Variants in PTPRH observed in about 807,000 individuals in gnomAD.
PTPRH encodes protein tyrosine phosphatase receptor type H.
A neutral mutation model predicts 130.2 loss-of-function variants in PTPRH; 113 were observed. That is an observed-to-expected ratio of 0.87 (90% CI 0.75 to 1.01). PTPRH has a LOEUF of 1.01. PTPRH is among the 50% of genes least tolerant of loss of function. PTPRH has a pLI of 0.00. For missense variants in PTPRH, 1,430 were observed against 1,425.0 expected (o/e 1.00, Z -0.06); for synonymous variants, 556 against 577.9 (o/e 0.96, Z 0.54).
chr19:55,191,403 A>C, intron 12 of PTPRH, 98 bp downstream of exon 12: 14 of 1,342,746 alleles, frequency 1.0e-5, no homozygotes, highest in African/African-American at 1.4e-5. Context: ...CTTTGTGGGT[A>C]AATGCATTGA....
intron 10 of PTPRH, chr19:55,191,998 A>C: frequency 1.6e-6 from 1 of 629,180 alleles, no homozygotes; most frequent in South Asian, 1.5e-5. Flanking sequence ...CGAAGACTAC[A>C]AGGAGGAAGA....
In PTPRH at chr19:55,185,648, C is replaced by G. The variant is rs1368545347; in HGVS notation, c.2916G>C (p.Lys972Asn). Residue 972 changes from lysine to asparagine, a missense_variant, in exon 18 of 20, where the codon AAG becomes AAC. Lys to Asn is a moderately conservative substitution (Grantham distance 94). Coordinates refer to ENST00000376350, the MANE Select transcript of PTPRH (RefSeq NM_002842.5). ...AGTGGAATTGGCGCACAGACAGTGT[C>G]TTCTGCTCCTCCACCTGGAAGGAGG... ...ELLLLQVEEQ[K>N]TLSVRQFHYQ... 3 of 1,613,958 alleles carry G rather than the reference C, an allele frequency of 1.9e-6. No individual in the cohort carries two copies. The highest frequency in any genetic ancestry group is 1.6e-4 in the Middle Eastern group (1 of 6,082).
intron 9 of PTPRH, 88 bp downstream of exon 9, chr19:55,197,029 T>G: frequency 6.7e-7 from 1 of 1,498,766 alleles, no homozygotes; most frequent in African/African-American, 1.4e-5. Flanking sequence ...TGTGGCCTGA[T>G]GGAATTTGTA....
At chr19:55,187,726 T>C (rs2086403630) in intron 13 of PTPRH, 123 bp from the exon 14 acceptor site, 10 of 710,058 alleles carry the variant, frequency 1.4e-5, no homozygotes, top group Middle Eastern at 2.8e-4. Flanking sequence ...ACCCTGAGAT[T>C]ATATGGCACC....
Position 55,186,515 on chromosome 19 carries a change from C to T in PTPRH, c.2592G>A (p.Lys864=), listed in dbSNP as rs751998411. ...LPYDWSRVPL[K]PIHEEPGSDY... is the part of the protein sequence containing the mutation. Reference sequence around the variant, plus strand: ...CAGAGCCTGGCTCCTCATGGATGGGCTTCAGGGGCACCCGGGACCAGTCAT... The same window carrying T: ...CAGAGCCTGGCTCCTCATGGATGGGTTTCAGGGGCACCCGGGACCAGTCAT... The change falls in exon 15 of 20, where the codon AAG becomes AAA. Residue 864 remains lysine (K), a synonymous_variant. Transcript: ENST00000376350. 2.7e-6 allele frequency: 4 copies of T among 1,458,852 alleles called. No individual in the cohort carries two copies. In the South Asian group the frequency reaches 4.7e-5, roughly 17 times the overall value. 90.4% of individuals were successfully genotyped at this position (1,458,852 alleles called of 1,614,324 possible).
Position 55,181,908 on chromosome 19 carries a change from G to A in PTPRH, c.3199-5C>T, listed in dbSNP as rs182962613. The A allele has an allele frequency of 1.1e-5, 18 of 1,614,216 alleles. No homozygotes were observed. The highest frequency in any genetic ancestry group is 1.5e-5 in the Non-Finnish European group (18 of 1,180,026). On this transcript the variant is annotated splice_region_variant and splice_polypyrimidine_tract_variant and intron_variant, in intron 19 of 19. Coordinates refer to ENST00000376350, the MANE Select transcript of PTPRH (RefSeq NM_002842.5). ...ATGCAGGAATACGTACTGAGCCTGG[G>A]AAGCAGGCACGGGAGTGAGAGGCGT...
chr19:55,204,464 A>C (rs1020711894), intron 4 of PTPRH, among the ~76,000 whole-genome samples: 2 of 152,104 alleles, frequency 1.3e-5, no homozygotes, highest in Non-Finnish European at 2.9e-5. Context: ...GTGCCAGTAG[A>C]TGCAGAGTTT....
chr19:55,194,080 C>G, intron 10 of PTPRH: 1 of 1,080,666 alleles, frequency 9.3e-7, no homozygotes, highest in Non-Finnish European at 1.2e-6. Context: ...GAACTCCCAA[C>G]CACAGGTGAT....
chr19:55,186,856 C>A (rs1007217815), intron 14 of PTPRH, among the ~76,000 whole-genome samples: 11 of 151,778 alleles, frequency 7.2e-5, no homozygotes, highest in African/African-American at 2.7e-4. Flanking sequence ...ACCAGCCTGG[C>A]CAACATGGTG....
intron 18 of PTPRH, 147 bp from the exon 19 acceptor site, chr19:55,182,298 G>A (rs3760871): frequency 0.18 from 178,245 of 982,124 alleles, 17,682 homozygotes; most frequent in South Asian, 0.29. Flanking sequence ...GGCTGAGGCC[G>A]GTGGATCACC....
In PTPRH at chr19:55,196,690, C is replaced by G. The variant is rs775711179; in HGVS notation, c.2089G>C (p.Glu697Gln). ...CCCCGCTGTCCTCCCACCTCCAACT[C>G]AAAGGCCTCGTAGCCTCCCTGGGGG... is the stretch of plus-strand genomic sequence containing the variant. ...SCPQGGYEAFELEVGGQRGSQ... is the reference protein window; with the variant it reads ...SCPQGGYEAFQLEVGGQRGSQ... The change falls in exon 10 of 20, where the codon GAG (glutamate) becomes CAG (glutamine). Residue 697 changes from glutamate (E) to glutamine (Q), a missense_variant. By Grantham distance (29) the Glu-to-Gln change is conservative. Transcript: ENST00000376350. 5.6e-6 allele frequency: 9 copies of G among 1,614,144 alleles called. 1 individual carries two copies. The South Asian group carries it at 9.9e-5, about 18-fold the overall frequency.
intron 18 of PTPRH, among the ~76,000 whole-genome samples, chr19:55,185,023 G>A (rs1599967547): frequency 6.9e-6 from 1 of 145,718 alleles, no homozygotes; most frequent in Non-Finnish European, 1.5e-5. Flanking sequence ...TTTTTTAATC[G>A]AGACAGAGTC....
At chr19:55,201,578 C>A (rs2086864707) in intron 6 of PTPRH, among the ~76,000 whole-genome samples, 1 of 152,170 alleles carries the variant, frequency 6.6e-6, no homozygotes, top group Non-Finnish European at 1.5e-5. Flanking sequence ...AATTTAATAG[C>A]CACGTGTGGC....
rs745530200 is a variant in PTPRH at position 55,197,378 on chromosome 19, T to C, written c.1729A>G (p.Thr577Ala). 27 of 1,613,806 alleles carry C rather than the reference T, an allele frequency of 1.7e-5. No homozygotes were observed. In the South Asian group the frequency reaches 2.6e-4, roughly 16 times the overall value. The change falls in exon 9 of 20, where the codon ACT becomes GCT. Residue 577 changes from threonine to alanine, a missense_variant. Coordinates refer to ENST00000376350, the MANE Select transcript of PTPRH (RefSeq NM_002842.5). ...EVTDLQNETQ[T>A]KNSVMLWWKA... is the part of the protein sequence containing the mutation. ...CACCACAGCATGACTGAGTTCTTAG[T>C]CTGAGTTTCATTCTGGAGATCTGTG...
rs199835511 is a variant in PTPRH at position 55,209,369 on chromosome 19, C to T, written c.51+14G>A. 4,275 of 1,559,844 alleles carry T rather than the reference C, an allele frequency of 2.7e-3. 15 individuals carry two copies. The highest frequency in any genetic ancestry group is 3.2e-3 in the Non-Finnish European group (3,630 of 1,151,330). On this transcript the variant is annotated intron_variant, in intron 1 of 19. Transcript: ENST00000376350. The surrounding 1 kb of genome is among the most constrained non-coding windows in gnomAD (Gnocchi z 4.1). ...CCCTGCCTTGGGAGCCCGCTCTGGG[C>T]GGGGAGCACTTACCAGCAGCACCAG... is the stretch of plus-strand genomic sequence containing the variant.
At chr19:55,205,749 C>T (rs147765271) in intron 3 of PTPRH, among the ~76,000 whole-genome samples, 157 bp from the exon 4 acceptor site, 1,737 of 152,246 alleles carry the variant, frequency 0.011, 15 homozygotes, top group Non-Finnish European at 0.018. Context: ...TGTTGAGCAC[C>T]GTGAGGTGGC....
At chr19:55,186,391 C>T (rs902962324) in intron 15 of PTPRH, 32 bp from the exon 16 acceptor site, 1 of 1,612,104 alleles carries the variant, frequency 6.2e-7, no homozygotes, top group South Asian at 1.1e-5. Context: ...GTCAGGGGGG[C>T]CTTTAGTTGA....
At chr19:55,195,977 G>C (rs1226340188) in intron 10 of PTPRH, among the ~76,000 whole-genome samples, 1 of 152,014 alleles carries the variant, frequency 6.6e-6, no homozygotes, top group East Asian at 1.9e-4. Flanking sequence ...GAACTAGGGG[G>C]TGGTGGCTCA....
chr19:55,203,687 G>C (rs540109104), intron 5 of PTPRH, 95 bp downstream of exon 5: 238 of 1,411,330 alleles, frequency 1.7e-4, no homozygotes, highest in Non-Finnish European at 2.0e-4. Context: ...TGTTTCTATT[G>C]GACTAAAGAA....
Sources: allele counts gnomAD v4.1 joint callset (sites outside exome capture counted in the v4.1 genomes callset), GRCh38; gene constraint gnomAD v4.1.1; non-coding constraint Gnocchi (gnomAD v3.1); transcripts MANE v1.5; gene names NCBI Gene and HGNC (gene_info 2026-07-23, HGNC 2026-07-21).